The following ZNF782 variants were observed in gnomAD, a reference collection of about 807,000 sequenced individuals.
ZNF782 encodes the protein zinc finger protein 782.
Under a neutral mutation model 13.0 loss-of-function variants are expected in ZNF782, and 12 were observed. That is an observed-to-expected ratio of 0.92 (90% confidence interval 0.59 to 1.50). ZNF782 has a LOEUF of 1.50. ZNF782 is among the 40% of genes most tolerant of loss of function. The probability of loss-of-function intolerance (pLI) is 0.00; values close to 1 mark genes in which losing one functional copy is unlikely to be tolerated. For synonymous variants in ZNF782, 284 were observed against 283.0 expected, an observed-to-expected ratio of 1.00 and a Z score of -0.04; for missense variants, 770 against 822.9, an observed-to-expected ratio of 0.94 and a Z score of 0.79.
At chr9:96,933,030 A>T in the ZNF782 span, among the ~76,000 whole-genome samples, 58 of 137,146 alleles carry the variant, frequency 4.2e-4, 1 homozygote, top group East Asian at 3.9e-3. Flanking sequence ...CAGGGTGGAG[A>T]GCAGTGGCGT....
At chr9:96,927,606 A>G in the ZNF782 span, among the ~76,000 whole-genome samples, 1 of 152,018 alleles carries the variant, frequency 6.6e-6, no homozygotes, top group South Asian at 2.1e-4. Flanking sequence ...AATATGTTAC[A>G]CTTTTTTGGG....
intron 1 of ZNF782, among the ~76,000 whole-genome samples, chr9:96,863,508 C>T (rs1851728123): frequency 6.6e-6 from 1 of 152,200 alleles, no homozygotes; most frequent in African/African-American, 2.4e-5. Flanking sequence ...CAATCTCTCA[C>T]TACTGGGTAT....
the ZNF782 span, among the ~76,000 whole-genome samples, chr9:96,909,904 G>A: frequency 6.6e-6 from 1 of 151,264 alleles, no homozygotes; most frequent in Admixed American, 6.6e-5. Flanking sequence ...GGCCTTAATA[G>A]TTTCAAGATC....
chr9:96,888,323 T>A, the ZNF782 span: 1 of 152,114 alleles, frequency 6.6e-6, no homozygotes, highest in Admixed American at 6.6e-5. Context: ...TAATGATTTT[T>A]AAAAATTAAT....
chr9:96,824,460 C>T (rs1439091813), intron 5 of ZNF782, among the ~76,000 whole-genome samples: 1 of 151,232 alleles, frequency 6.6e-6, no homozygotes, highest in East Asian at 1.9e-4. Flanking sequence ...ACTGAATGGG[C>T]AAAAACTGGA....
upstream of ZNF782, chr9:96,875,624 G>A (rs1304376145): frequency 4.4e-6 from 2 of 456,222 alleles, no homozygotes; most frequent in Non-Finnish European, 8.8e-6. Flanking sequence ...GGTTCGCACT[G>A]AACACCTGTT....
In ZNF782 at chr9:96,819,270, GT is replaced by G. The variant is rs758601042; in HGVS notation, c.752del (p.Asn251ThrfsTer14). On this transcript the variant is annotated frameshift_variant, in exon 6 of 6. Transcript: ENST00000481138. LOFTEE classifies it low-confidence loss of function (END_TRUNC). ...KSYNFNKFGE[N>X]KYDKSTFIIP... ...TAATAAAGGTTGATTTATCATATTT[GT>G]TTTCCCCAAATTTATTGAAATTGTA... is the stretch of plus-strand genomic sequence containing the variant. The G allele has an allele frequency of 4.3e-6, 7 of 1,613,174 alleles. No homozygotes were observed. Among genetic ancestry groups the G allele is most frequent in the African/African-American group, 4.0e-5 (3 of 74,884 alleles).
chr9:96,831,656 T>G (rs1850804540), intron 4 of ZNF782, among the ~76,000 whole-genome samples: 1 of 150,568 alleles, frequency 6.6e-6, no homozygotes, highest in Admixed American at 6.6e-5. Context: ...GAGGTTGCAG[T>G]GAGCTGAGAT....
At chr9:96,881,686 G>A in the ZNF782 span, among the ~76,000 whole-genome samples, 1 of 151,960 alleles carries the variant, frequency 6.6e-6, no homozygotes, top group Admixed American at 6.5e-5. Flanking sequence ...CCCTTGCTGA[G>A]GTATCTTGGC....
intron 4 of ZNF782, among the ~76,000 whole-genome samples, chr9:96,836,477 A>G (rs1320964548): frequency 1.3e-5 from 2 of 152,168 alleles, no homozygotes; most frequent in Non-Finnish European, 2.9e-5. Flanking sequence ...CTGGGATTAT[A>G]GGTGTGAGCC....
chr9:96,887,213 C>G, the ZNF782 span, among the ~76,000 whole-genome samples: 1 of 149,876 alleles, frequency 6.7e-6, no homozygotes, highest in African/African-American at 2.5e-5. Flanking sequence ...ACTCGGGAGG[C>G]TGAGGCAGGA....
the ZNF782 span, among the ~76,000 whole-genome samples, chr9:96,900,173 C>T: frequency 6.6e-6 from 1 of 151,192 alleles, no homozygotes; most frequent in Admixed American, 6.6e-5. Flanking sequence ...GCTCACAGAG[C>T]TGGGTCCCAG....
At chr9:96,930,413 A>G in the ZNF782 span, among the ~76,000 whole-genome samples, 7 of 151,612 alleles carry the variant, frequency 4.6e-5, no homozygotes, top group African/African-American at 1.7e-4. Flanking sequence ...AATCCCAGCT[A>G]CTCAGGAGGC....
At chr9:96,854,646 T>C (rs1851613612), upstream of ZNF782, among the ~76,000 whole-genome samples, 2 of 152,228 alleles carry the variant, frequency 1.3e-5, no homozygotes, top group Admixed American at 6.5e-5. Context: ...GTTTCGGCGA[T>C]TCAGAATTGG....
chr9:96,869,175 C>T (rs1384232613), intron 1 of ZNF782, among the ~76,000 whole-genome samples: 3 of 151,970 alleles, frequency 2.0e-5, no homozygotes, highest in African/African-American at 7.2e-5. Context: ...AATTAACATA[C>T]TGAAGAGCTT....
At chr9:96,825,092 C>T (rs1285578910) in intron 5 of ZNF782, among the ~76,000 whole-genome samples, 6 of 151,786 alleles carry the variant, frequency 4.0e-5, no homozygotes, top group East Asian at 3.9e-4. Context: ...GAGCCCGCAT[C>T]GCCAAGTCAA....
the ZNF782 span, among the ~76,000 whole-genome samples, chr9:96,897,002 A>C: frequency 6.6e-6 from 1 of 152,158 alleles, no homozygotes; most frequent in Non-Finnish European, 1.5e-5. Flanking sequence ...CTGCAACCTG[A>C]GCTTTCCATC....
At position 96,860,821 on chromosome 9, in the gene ZNF782, C is replaced by T. The variant is rs190220838; in HGVS notation, c.-380-407G>A. On this transcript the variant is annotated intron_variant, in intron 2 of 5. Transcript: ENST00000498811. ...GTGAACTCATTTTCAACAAAGGTGCCGAGAACATACAATGGGGAAATGACA... is the reference window on the plus strand; with the variant it reads ...GTGAACTCATTTTCAACAAAGGTGCTGAGAACATACAATGGGGAAATGACA... 1.1e-4 allele frequency among the ~76,000 whole-genome samples: 17 copies of T among 152,254 alleles called. No individual in the cohort carries two copies. The East Asian group carries it at 2.7e-3, about 24-fold the overall frequency.
chr9:96,817,902 G>C lies in ZNF782; in HGVS notation c.*21C>G. 1 of 1,519,284 alleles carries C rather than the reference G, an allele frequency of 6.6e-7. No homozygotes were observed. The highest frequency in any genetic ancestry group is 8.8e-7 in the Non-Finnish European group (1 of 1,137,590). 94.1% of individuals were successfully genotyped at this position (1,519,284 alleles called of 1,614,324 possible). A position where few individuals can be genotyped will look rare whatever the true frequency, so the allele number is the denominator to read the frequency against. On this transcript the variant is annotated 3_prime_UTR_variant, in exon 6 of 6. Transcript: ENST00000481138. ...TTGATTTCCAGCTCAGAGTTTTTTC[G>C]TATTCTTTATATGCATACATTTAAT... is the stretch of plus-strand genomic sequence containing the variant.
Sources: gnomAD v4.1 joint callset for allele counts (sites outside exome capture counted in the v4.1 genomes callset) on GRCh38, gnomAD v4.1.1 for gene constraint, MANE v1.5 for transcripts, NCBI Gene and HGNC (gene_info 2026-07-23, HGNC 2026-07-21) for gene names.